The following TMEM108 variants were observed in gnomAD, a reference collection of about 807,000 sequenced individuals.
The protein encoded by TMEM108 is cancer/testis antigen 124.
In TMEM108, 12 loss-of-function variants were observed where a neutral mutation model predicts 35.1. The observed-to-expected ratio is 0.34, with a 90% CI of 0.22 to 0.55. The LOEUF (loss-of-function observed/expected upper bound fraction) is 0.55. Ranked by LOEUF, TMEM108 falls within the 20% of genes least tolerant of loss-of-function variation. The pLI is 0.89. For missense variants in TMEM108, 680 were observed against 753.3 expected (o/e 0.90, Z 1.14); for synonymous variants, 287 against 308.6 (o/e 0.93, Z 0.73).
rs925996952 is a variant in TMEM108 at position 133,121,624 on chromosome 3, A to G, written c.-47+75604A>G. On this transcript the variant is annotated intron_variant, in intron 2 of 5. Transcript: ENST00000321871. ...TGTTTTACATATGATGAAAATGGAG[A>G]GAGCACTTCTTTTGACAGGAAACTT... is the stretch of plus-strand genomic sequence containing the variant. 5.3e-5 allele frequency among the ~76,000 whole-genome samples: 8 copies of G among 152,198 alleles called. 1 individual carries two copies. Among genetic ancestry groups the G allele is most frequent in the African/African-American group, 1.9e-4 (8 of 41,446 alleles).
chr3:133,169,243 G>A (rs1277914189), intron 2 of TMEM108, among the ~76,000 whole-genome samples: 6 of 152,168 alleles, frequency 3.9e-5, no homozygotes. Flanking sequence ...GAACTTTGGG[G>A]TCACATTCAA....
At chr3:133,167,868 A>G (rs1945068039) in intron 2 of TMEM108, among the ~76,000 whole-genome samples, 1 of 152,132 alleles carries the variant, frequency 6.6e-6, no homozygotes. Flanking sequence ...GGGCTCCTCA[A>G]GTGTGGCCAG....
chr3:133,118,150 G>C (rs1317321198), intron 2 of TMEM108, among the ~76,000 whole-genome samples: 1 of 151,946 alleles, frequency 6.6e-6, no homozygotes, highest in Non-Finnish European at 1.5e-5. Flanking sequence ...AAGTACTTAC[G>C]CTAGGTTCTC....
chr3:133,263,175 T>G (rs1946649615), intron 3 of TMEM108, among the ~76,000 whole-genome samples: 1 of 152,226 alleles, frequency 6.6e-6, no homozygotes, highest in Non-Finnish European at 1.5e-5. Context: ...AAGCTTTTAC[T>G]TTCTTAGAGA....
intron 2 of TMEM108, among the ~76,000 whole-genome samples, chr3:133,076,116 A>G (rs1300684407): frequency 3.3e-5 from 5 of 152,228 alleles, no homozygotes; most frequent in Non-Finnish European, 7.3e-5. Flanking sequence ...TTAAGGGTCT[A>G]GATTTTTAAA....
chr3:133,068,113 T>C (rs1943632977), intron 2 of TMEM108, among the ~76,000 whole-genome samples: 2 of 150,946 alleles, frequency 1.3e-5, no homozygotes, highest in South Asian at 4.2e-4. Context: ...ATTAATGTTA[T>C]ATAATATATT....
intron 2 of TMEM108, among the ~76,000 whole-genome samples, chr3:133,168,708 C>T (rs766350207): frequency 4.6e-5 from 7 of 152,202 alleles, no homozygotes; most frequent in Non-Finnish European, 1.0e-4. Flanking sequence ...CCAGCAGCGG[C>T]AACCCACTCA....
At chr3:133,373,384 TG>T (rs2072736455) in intron 3 of TMEM108, among the ~76,000 whole-genome samples, 1 of 136,204 alleles carries the variant, frequency 7.3e-6, no homozygotes, top group Non-Finnish European at 1.5e-5. Flanking sequence ...GATAGATAGA[TG>T]ATAGATAGAT....
chr3:133,181,522 G>A (rs1945344357), intron 2 of TMEM108, among the ~76,000 whole-genome samples: 1 of 152,114 alleles, frequency 6.6e-6, no homozygotes, highest in African/African-American at 2.4e-5. Context: ...AATGTTTAGA[G>A]TCACTTCATC....
intron 3 of TMEM108, among the ~76,000 whole-genome samples, chr3:133,323,229 C>G (rs2071288223): frequency 6.6e-6 from 1 of 152,058 alleles, no homozygotes; most frequent in Admixed American, 6.6e-5. Flanking sequence ...TGTTACTGTT[C>G]CCCAATGATA....
chr3:133,340,573 T>G lies in TMEM108; in HGVS notation c.41-39179T>G, dbSNP rs539325632. Among the ~76,000 whole-genome samples, 2 of 151,454 alleles carry G rather than the reference T, an allele frequency of 1.3e-5. 1 individual carries two copies. The highest frequency in any genetic ancestry group is 4.8e-5 in the African/African-American group (2 of 41,356). Reference sequence around the variant, plus strand: ...TTCCGAACTCATTCTATAAGACCAGTATCACCCTGATACCAAAACCAGACA... The same window carrying G: ...TTCCGAACTCATTCTATAAGACCAGGATCACCCTGATACCAAAACCAGACA... On this transcript the variant is annotated intron_variant, in intron 3 of 5. Coordinates refer to ENST00000321871, the MANE Select transcript of TMEM108 (RefSeq NM_023943.4).
chr3:133,190,789 A>G (rs979839195), intron 2 of TMEM108, among the ~76,000 whole-genome samples: 1 of 152,220 alleles, frequency 6.6e-6, no homozygotes, highest in Non-Finnish European at 1.5e-5. Flanking sequence ...GCACTGTGCT[A>G]GCTGCTTGAA....
chr3:133,229,579 A>G (rs1371008239), intron 3 of TMEM108, among the ~76,000 whole-genome samples: 3 of 152,220 alleles, frequency 2.0e-5, no homozygotes, highest in Non-Finnish European at 4.4e-5. Context: ...GGAAGTTTTA[A>G]CATCAGTTAT....
chr3:133,383,458 A>G (rs1576537961), intron 4 of TMEM108, among the ~76,000 whole-genome samples: 1 of 152,182 alleles, frequency 6.6e-6, no homozygotes, highest in Non-Finnish European at 1.5e-5. Context: ...ATTGTGTGCC[A>G]GACACTGTGC....
intron 2 of TMEM108, among the ~76,000 whole-genome samples, chr3:133,153,550 G>C (rs563388844): frequency 6.6e-6 from 1 of 152,266 alleles, no homozygotes; most frequent in Non-Finnish European, 1.5e-5. Context: ...GATCAGACAA[G>C]CTATCAGGAA....
intron 3 of TMEM108, among the ~76,000 whole-genome samples, chr3:133,279,689 G>A (rs372111598): frequency 4.3e-4 from 65 of 152,300 alleles, no homozygotes; most frequent in African/African-American, 1.3e-3. Context: ...ATCTGATGAA[G>A]ACTCCAGCAC....
chr3:133,093,021 A>G (rs1047715798), intron 2 of TMEM108, among the ~76,000 whole-genome samples: 1 of 140,262 alleles, frequency 7.1e-6, no homozygotes, highest in Non-Finnish European at 1.5e-5. Flanking sequence ...ATGGAGTCTT[A>G]CTCTGTCACC....
intron 3 of TMEM108, among the ~76,000 whole-genome samples, chr3:133,372,840 A>G (rs2072714965): frequency 6.6e-6 from 1 of 152,238 alleles, no homozygotes; most frequent in African/African-American, 2.4e-5. Flanking sequence ...TGAGGGAAGC[A>G]GAAAAGATTT....
intron 3 of TMEM108, among the ~76,000 whole-genome samples, chr3:133,239,554 A>G (rs1946284888): frequency 2.0e-5 from 3 of 152,096 alleles, no homozygotes; most frequent in South Asian, 4.1e-4. Context: ...ACTAGCTTTG[A>G]TCTCTGGTTC....
Sources: allele counts gnomAD v4.1 joint callset (sites outside exome capture counted in the v4.1 genomes callset), GRCh38; gene constraint gnomAD v4.1.1; transcripts MANE v1.5; gene names NCBI Gene and HGNC (gene_info 2026-07-23, HGNC 2026-07-21).